The following SATB2 variants were observed in gnomAD, a reference collection of about 807,000 sequenced individuals.
SATB2 encodes the protein DNA-binding protein SATB2.
A neutral mutation model predicts 73.4 loss-of-function variants in SATB2; 1 was observed. The observed-to-expected ratio is 0.01, with a 90% CI of 0.00 to 0.06. SATB2 has a LOEUF of 0.06. Among genes scored for constraint, SATB2 ranks in the 10% least tolerant of loss-of-function variants. The probability of loss-of-function intolerance (pLI) is 1.00; values close to 1 mark genes in which losing one functional copy is unlikely to be tolerated. For synonymous variants in SATB2, 397 were observed against 367.0 expected (o/e 1.08, Z -0.93); for missense variants, 459 against 945.8 (o/e 0.49, Z 6.75).
At chr2:199,367,723 T>C (rs999845373) in intron 6 of SATB2, among the ~76,000 whole-genome samples, 1 of 152,120 alleles carries the variant, frequency 6.6e-6, no homozygotes, top group Non-Finnish European at 1.5e-5. Context: ...GGAAGGACCA[T>C]CAAAACCAAT....
At chr2:199,327,717 AAAG>A (rs1388447444) in intron 8 of SATB2, among the ~76,000 whole-genome samples, 1 of 152,150 alleles carries the variant, frequency 6.6e-6, no homozygotes, top group Non-Finnish European at 1.5e-5. Flanking sequence ...GGGCCTAAGA[AAAG>A]AATACTTTTC....
At chr2:199,273,727 G>GT (rs973508135) in intron 10 of SATB2, among the ~76,000 whole-genome samples, 8 of 151,704 alleles carry the variant, frequency 5.3e-5, no homozygotes, top group South Asian at 2.1e-4. Context: ...TAATTTCTGG[G>GT]TTTTTTTTCT....
chr2:199,423,560 C>A (rs1412497014), intron 3 of SATB2: 6 of 151,830 alleles, frequency 4.0e-5, no homozygotes, highest in African/African-American at 1.2e-4. Context: ...TTTTCATGCA[C>A]TTCTGATATA....
chr2:199,449,413 CAA>C (rs1229044593), intron 2 of SATB2, among the ~76,000 whole-genome samples: 1 of 152,058 alleles, frequency 6.6e-6, no homozygotes, highest in African/African-American at 2.4e-5. Context: ...TTAATTGAAA[CAA>C]ATATATATAG....
At chr2:199,444,973 C>T (rs1691922800) in intron 2 of SATB2, among the ~76,000 whole-genome samples, 1 of 152,158 alleles carries the variant, frequency 6.6e-6, no homozygotes, top group South Asian at 2.1e-4. Context: ...AAGAAGAGAG[C>T]TGCATCTCAG....
intron 7 of SATB2, among the ~76,000 whole-genome samples, chr2:199,337,790 G>C (rs1410513913): frequency 6.6e-6 from 1 of 152,108 alleles, no homozygotes; most frequent in Admixed American, 6.6e-5. Context: ...TTTTCTCTCA[G>C]CATTTCTGGC....
At chr2:199,307,157 T>TGTA (rs1259540501) in intron 10 of SATB2, among the ~76,000 whole-genome samples, 1 of 152,152 alleles carries the variant, frequency 6.6e-6, no homozygotes, top group Non-Finnish European at 1.5e-5. Context: ...ATGGCTGAAC[T>TGTA]GTAGCATTTA....
intron 10 of SATB2, among the ~76,000 whole-genome samples, chr2:199,278,567 T>A (rs1452684658): frequency 1.3e-5 from 2 of 152,078 alleles, no homozygotes; most frequent in Admixed American, 6.6e-5. Flanking sequence ...ACCATCAGGG[T>A]AATGGAAAGC....
intron 3 of SATB2, among the ~76,000 whole-genome samples, chr2:199,404,153 T>C (rs987240751): frequency 6.6e-6 from 1 of 152,194 alleles, no homozygotes; most frequent in Admixed American, 6.5e-5. Flanking sequence ...AAAGGGGACA[T>C]GTAGCCAATG....
chr2:199,370,037 C>T (rs1326857616), intron 5 of SATB2, among the ~76,000 whole-genome samples: 3 of 152,126 alleles, frequency 2.0e-5, no homozygotes, highest in Non-Finnish European at 2.9e-5. Flanking sequence ...CTAATATCAT[C>T]GGAGTGTATC....
At chr2:199,443,749 T>C (rs1377495867) in intron 2 of SATB2, among the ~76,000 whole-genome samples, 1 of 152,170 alleles carries the variant, frequency 6.6e-6, no homozygotes, top group African/African-American at 2.4e-5. Flanking sequence ...CTCATTCTTA[T>C]ATTCAACAAA....
At position 199,447,728 on chromosome 2, in the gene SATB2, G is replaced by A. The variant is rs532887297; in HGVS notation, c.169+8141C>T. 2.0e-4 allele frequency among the ~76,000 whole-genome samples: 20 copies of A among 99,096 alleles called. 5 individuals carry two copies. Among genetic ancestry groups the A allele is most frequent in the Admixed American group, 6.2e-4 (6 of 9,740 alleles). 65.0% of individuals were successfully genotyped at this position (99,096 alleles called of 152,430 possible). On this transcript the variant is annotated intron_variant, in intron 2 of 10. Coordinates refer to ENST00000417098, the MANE Select transcript of SATB2 (RefSeq NM_001172509.2). ...ATGGGCTCCTCTTTGAACTTCCCAG[G>A]GAAGAATGAGAGCCAAATGGTCTCT...
intron 3 of SATB2, among the ~76,000 whole-genome samples, chr2:199,425,329 C>T (rs1322936512): frequency 6.6e-6 from 1 of 152,198 alleles, no homozygotes; most frequent in Non-Finnish European, 1.5e-5. Context: ...AGAAGAAGGA[C>T]TTTAGGCAGT....
intron 2 of SATB2, among the ~76,000 whole-genome samples, chr2:199,438,762 G>C (rs534317592): frequency 1.0e-3 from 153 of 152,348 alleles, no homozygotes; most frequent in African/African-American, 3.6e-3. Flanking sequence ...GCACTTCCTA[G>C]ATCATCATGT....
chr2:199,419,954 T>C (rs1574611803), intron 3 of SATB2, among the ~76,000 whole-genome samples: 1 of 152,236 alleles, frequency 6.6e-6, no homozygotes, highest in East Asian at 1.9e-4. Context: ...TTTAATGAGT[T>C]AATCTAGTTA....
chr2:199,365,978 T>A (rs1205498932), intron 6 of SATB2, among the ~76,000 whole-genome samples: 1 of 152,110 alleles, frequency 6.6e-6, no homozygotes, highest in Non-Finnish European at 1.5e-5. Flanking sequence ...AATCATGTTT[T>A]TGATTAAGAA....
intron 5 of SATB2, among the ~76,000 whole-genome samples, chr2:199,371,210 T>A (rs984201013): frequency 6.6e-6 from 1 of 152,190 alleles, no homozygotes; most frequent in African/African-American, 2.4e-5. Context: ...TCCAGTTTCA[T>A]GAATATTTTC....
At chr2:199,363,612 T>A (rs1443870672) in intron 6 of SATB2, among the ~76,000 whole-genome samples, 1 of 152,184 alleles carries the variant, frequency 6.6e-6, no homozygotes, top group Non-Finnish European at 1.5e-5. Context: ...GTACTGTGCA[T>A]TTTAATATCA....
chr2:199,280,125 T>A (rs987807335), intron 10 of SATB2, among the ~76,000 whole-genome samples: 1 of 152,210 alleles, frequency 6.6e-6, no homozygotes, highest in Non-Finnish European at 1.5e-5. Context: ...TGGACATTTA[T>A]TAGTTCCCCA....
Sources: allele counts gnomAD v4.1 joint callset (sites outside exome capture counted in the v4.1 genomes callset), GRCh38; gene constraint gnomAD v4.1.1; transcripts MANE v1.5; gene names NCBI Gene and HGNC (gene_info 2026-07-23, HGNC 2026-07-21).